The following CAMK2D variants were observed in gnomAD, a reference collection of about 807,000 sequenced individuals.
CAMK2D encodes calcium/calmodulin-dependent protein kinase type II subunit delta.
A neutral mutation model predicts 84.0 loss-of-function variants in CAMK2D; 37 were observed. The observed-to-expected ratio is 0.44, with a 90% CI of 0.34 to 0.58. The LOEUF (loss-of-function observed/expected upper bound fraction) is 0.58, where lower values mean the gene tolerates loss of function less well. Among genes scored for constraint, CAMK2D ranks in the 20% least tolerant of loss-of-function variants. CAMK2D has a pLI of 0.02. For missense variants in CAMK2D, 448 were observed against 652.5 expected (o/e 0.69, Z 3.41); for synonymous variants, 202 against 212.5 (o/e 0.95, Z 0.43).
chr4:113,615,604 G>A (rs1019156855), intron 3 of CAMK2D, among the ~76,000 whole-genome samples: 2 of 152,042 alleles, frequency 1.3e-5, no homozygotes, highest in Admixed American at 6.6e-5. Context: ...TTAATAAAAT[G>A]ACACCATTTG....
At position 113,694,682 on chromosome 4, in the gene CAMK2D, T is replaced by TA. The variant is rs533347139; in HGVS notation, c.161-32911dup. Among the ~76,000 whole-genome samples the TA allele has an allele frequency of 4.5e-4, 69 of 152,210 alleles. No homozygotes were observed. The East Asian group carries it at 0.012, about 27-fold the overall frequency. The stretch of plus-strand genomic sequence containing the variant: ...TGTGCTTCATCCCATCCATATATGA[T>TA]AAAAAAGAAAGTAATTTATAAGAAC... On this transcript the variant is annotated intron_variant, in intron 2 of 20. Coordinates refer to ENST00000511664, the MANE Select transcript of CAMK2D (RefSeq NM_001321571.2).
intron 5 of CAMK2D, 49 bp downstream of exon 5, chr4:113,551,982 T>C: frequency 1.2e-6 from 1 of 839,832 alleles, no homozygotes; most frequent in Non-Finnish European, 1.9e-6. Context: ...GCTGAAAAAG[T>C]ATTATTTGAA....
At chr4:113,553,613 CTTAA>C (rs1167978350) in intron 4 of CAMK2D, among the ~76,000 whole-genome samples, 4 of 152,188 alleles carry the variant, frequency 2.6e-5, no homozygotes, top group African/African-American at 9.6e-5. Flanking sequence ...TTCTGCCTCT[CTTAA>C]TTGCATTCTG....
chr4:113,749,319 A>C (rs540630216), intron 2 of CAMK2D, among the ~76,000 whole-genome samples: 40 of 145,978 alleles, frequency 2.7e-4, no homozygotes, highest in Middle Eastern at 3.5e-3. Context: ...AGGAGAGAAC[A>C]CAAGTAAGTG....
intron 13 of CAMK2D, chr4:113,508,399 T>C: frequency 1.5e-6 from 1 of 667,976 alleles, no homozygotes; most frequent in South Asian, 1.7e-5. Flanking sequence ...AAGGAAAAAG[T>C]TCTGGAAATG....
chr4:113,455,684 C>A, intron 20 of CAMK2D, 42 bp downstream of exon 20: 1 of 1,103,078 alleles, frequency 9.1e-7, no homozygotes. Context: ...GCTTTTCATT[C>A]AGCTCCAGTC....
chr4:113,593,019 AATTTTTGT>A (rs1465318262), intron 4 of CAMK2D, among the ~76,000 whole-genome samples: 1 of 151,830 alleles, frequency 6.6e-6, no homozygotes, highest in African/African-American at 2.4e-5. Flanking sequence ...ATGCCTGGCA[AATTTTTGT>A]ATTTTTAATA....
intron 3 of CAMK2D, among the ~76,000 whole-genome samples, chr4:113,610,070 T>C (rs1371827126): frequency 3.9e-5 from 6 of 152,100 alleles, no homozygotes; most frequent in Non-Finnish European, 7.4e-5. Flanking sequence ...TTACTTTTAT[T>C]TTAGCTTCAG....
intron 7 of CAMK2D, among the ~76,000 whole-genome samples, chr4:113,531,674 TA>T (rs1446944392): frequency 6.6e-6 from 1 of 152,146 alleles, no homozygotes; most frequent in Admixed American, 6.6e-5. Flanking sequence ...GGAGAAGATA[TA>T]AGTCGAAAAT....
intron 4 of CAMK2D, among the ~76,000 whole-genome samples, chr4:113,601,899 G>A (rs988988079): frequency 3.3e-5 from 5 of 151,648 alleles, no homozygotes; most frequent in Non-Finnish European, 7.4e-5. Context: ...GTCTTGCTAT[G>A]TTGCCCAGGC....
chr4:113,470,799 A>G (rs924109942), intron 16 of CAMK2D, among the ~76,000 whole-genome samples: 5 of 152,144 alleles, frequency 3.3e-5, no homozygotes, highest in Admixed American at 3.3e-4. Flanking sequence ...AGTTTTCTCT[A>G]TTACTCTAGA....
chr4:113,696,862 C>T (rs1021352967), intron 2 of CAMK2D, among the ~76,000 whole-genome samples: 2 of 152,044 alleles, frequency 1.3e-5, no homozygotes, highest in Non-Finnish European at 2.9e-5. Context: ...TAACTCAGGT[C>T]ATCTCTCCAG....
At chr4:113,609,860 A>C (rs567934332) in intron 3 of CAMK2D, among the ~76,000 whole-genome samples, 1 of 152,280 alleles carries the variant, frequency 6.6e-6, no homozygotes, top group African/African-American at 2.4e-5. Context: ...TGCTAAAATA[A>C]TTTACTAGTT....
At chr4:113,701,534 T>C (rs1034338193) in intron 2 of CAMK2D, among the ~76,000 whole-genome samples, 5 of 152,076 alleles carry the variant, frequency 3.3e-5, no homozygotes, top group Admixed American at 6.6e-5. Flanking sequence ...CTTAAGGAGC[T>C]CTGGAGCTAA....
At chr4:113,723,327 C>G (rs956312213) in intron 2 of CAMK2D, among the ~76,000 whole-genome samples, 2 of 151,558 alleles carry the variant, frequency 1.3e-5, no homozygotes, top group African/African-American at 4.9e-5. Flanking sequence ...CAGTTTCAAG[C>G]GATGCTCATG....
Position 113,741,465 on chromosome 4 carries a change from T to G in CAMK2D, c.160+17855A>C, listed in dbSNP as rs369348511. Among the ~76,000 whole-genome samples the G allele has an allele frequency of 2.0e-4, 30 of 152,176 alleles. 1 individual carries two copies. The highest frequency in any genetic ancestry group is 7.2e-4 in the African/African-American group (30 of 41,440). On this transcript the variant is annotated intron_variant, in intron 2 of 20. Transcript: ENST00000511664. ...CTCTTACTGTGACTAATTTATAAATTAAACTTTATCATATTTATGTATGTA... is the reference window on the plus strand; with the variant it reads ...CTCTTACTGTGACTAATTTATAAATGAAACTTTATCATATTTATGTATGTA...
intron 16 of CAMK2D, among the ~76,000 whole-genome samples, chr4:113,484,301 C>T (rs1354002873): frequency 6.6e-6 from 1 of 152,092 alleles, no homozygotes; most frequent in Non-Finnish European, 1.5e-5. Flanking sequence ...GATGACTAGT[C>T]CAGGAATAGC....
At chr4:113,606,432 T>TG (rs1290329705) in intron 4 of CAMK2D, among the ~76,000 whole-genome samples, 2 of 150,988 alleles carry the variant, frequency 1.3e-5, no homozygotes, top group Admixed American at 6.6e-5. Flanking sequence ...ATCGCGCCAC[T>TG]GCACTCAAGC....
At chr4:113,682,303 T>A (rs1467979965) in intron 2 of CAMK2D, among the ~76,000 whole-genome samples, 2 of 152,100 alleles carry the variant, frequency 1.3e-5, no homozygotes, top group Non-Finnish European at 2.9e-5. Context: ...TATAAAAATG[T>A]ATTTTTATAT....
Sources: allele counts gnomAD v4.1 joint callset (sites outside exome capture counted in the v4.1 genomes callset), GRCh38; gene constraint gnomAD v4.1.1; transcripts MANE v1.5; gene names NCBI Gene and HGNC (gene_info 2026-07-23, HGNC 2026-07-21).